Variants in ASXL3 observed in about 807,000 individuals in gnomAD.
ASXL3 encodes the protein putative Polycomb group protein ASXL3.
A neutral mutation model predicts 170.6 loss-of-function variants in ASXL3; 34 were observed. The observed-to-expected ratio is 0.20, with a 90% CI of 0.15 to 0.27. The LOEUF (loss-of-function observed/expected upper bound fraction) is 0.27, where lower values mean the gene tolerates loss of function less well. Among genes scored for constraint, ASXL3 ranks in the 10% least tolerant of loss-of-function variants. ASXL3 has a pLI of 1.00. For missense variants in ASXL3, 2,592 were observed against 2,695.3 expected, an observed-to-expected ratio of 0.96 and a Z score of 0.85; for synonymous variants, 1,002 against 989.1, an observed-to-expected ratio of 1.01 and a Z score of -0.24.
chr18:33,738,093 GT>G (rs2067579069), intron 10 of ASXL3, among the ~76,000 whole-genome samples: 3 of 151,908 alleles, frequency 2.0e-5, no homozygotes, highest in Admixed American at 6.6e-5. Flanking sequence ...CAGCAGTAGA[GT>G]TTTAGTTGAG....
intron 5 of ASXL3, among the ~76,000 whole-genome samples, chr18:33,667,859 C>T (rs2066283267): frequency 6.6e-6 from 1 of 152,178 alleles, no homozygotes; most frequent in Non-Finnish European, 1.5e-5. Context: ...TATAAATCAG[C>T]AGCACTTATG....
intron 8 of ASXL3, among the ~76,000 whole-genome samples, chr18:33,714,737 C>T (rs796638770): frequency 1.2e-4 from 18 of 152,146 alleles, no homozygotes; most frequent in African/African-American, 4.1e-4. Context: ...CAACTCTTCC[C>T]CCATTCTCCT....
At chr18:33,694,926 A>T (rs2066747859) in intron 8 of ASXL3, among the ~76,000 whole-genome samples, 1 of 152,112 alleles carries the variant, frequency 6.6e-6, no homozygotes, top group Non-Finnish European at 1.5e-5. Context: ...GGAGAATGTG[A>T]TTTATTGATT....
intron 5 of ASXL3, among the ~76,000 whole-genome samples, chr18:33,664,318 A>G (rs9916906): frequency 0.036 from 5,415 of 152,228 alleles, 318 homozygotes; most frequent in African/African-American, 0.12. Context: ...GTGCTATGTA[A>G]TAGTATAGAC....
chr18:33,734,278 A>G, intron 9 of ASXL3, 32 bp from the exon 10 acceptor site: 1 of 1,478,462 alleles, frequency 6.8e-7, no homozygotes, highest in Non-Finnish European at 9.2e-7. Flanking sequence ...ATGTGACCAC[A>G]TTTATTCAAT....
chr18:33,672,858 A>G (rs1203879258), intron 7 of ASXL3, among the ~76,000 whole-genome samples: 1 of 152,180 alleles, frequency 6.6e-6, no homozygotes, highest in African/African-American at 2.4e-5. Context: ...CATACTTCTA[A>G]TAAAAAGACT....
intron 1 of ASXL3, among the ~76,000 whole-genome samples, chr18:33,595,689 C>T (rs1053927013): frequency 2.6e-5 from 4 of 152,156 alleles, no homozygotes; most frequent in Non-Finnish European, 4.4e-5. Context: ...CACATGCCTA[C>T]GAACATAGCT....
At chr18:33,581,708 CAAATTTGTA>C (rs2064993893) in intron 1 of ASXL3, among the ~76,000 whole-genome samples, 1 of 152,068 alleles carries the variant, frequency 6.6e-6, no homozygotes, top group Admixed American at 6.6e-5. Context: ...ATATGGTCTC[CAAATTTGTA>C]AACTCTGGAG....
chr18:33,707,622 A>G (rs1003511464), intron 8 of ASXL3, among the ~76,000 whole-genome samples: 1 of 151,978 alleles, frequency 6.6e-6, no homozygotes, highest in Non-Finnish European at 1.5e-5. Context: ...ATTGTTTATA[A>G]TAATTACAGT....
At chr18:33,606,418 C>G (rs1173713162) in intron 1 of ASXL3, among the ~76,000 whole-genome samples, 1 of 151,856 alleles carries the variant, frequency 6.6e-6, no homozygotes, top group African/African-American at 2.4e-5. Context: ...AGGAAAGTGT[C>G]TGAAAGGTTA....
chr18:33,745,262 C>G lies in ASXL3; in HGVS notation c.5414C>G (p.Pro1805Arg). ...GAAATTCCGCCCAGCTCTCCAAATC[C>G]AGATGGTAAGGGCTACTTGGCAGGG... The part of the protein sequence containing the change: ...NVEIPPSSPN[P>R]DGKGYLAGTL... The change falls in exon 12 of 12, where the codon CCA (proline) becomes CGA (arginine). Residue 1805 changes from proline to arginine, a missense_variant. Pro to Arg is a moderately radical substitution (Grantham distance 103). Transcript: ENST00000269197. 1.9e-6 allele frequency: 3 copies of G among 1,613,998 alleles called. No homozygotes were observed. Among genetic ancestry groups the G allele is most frequent in the Non-Finnish European group, 1.7e-6 (2 of 1,179,890 alleles).
chr18:33,643,004 T>G (rs1195455693), intron 2 of ASXL3, among the ~76,000 whole-genome samples: 1 of 151,888 alleles, frequency 6.6e-6, no homozygotes, highest in Non-Finnish European at 1.5e-5. Flanking sequence ...GTGAACAATT[T>G]TATTAAGTTA....
intron 9 of ASXL3, 140 bp downstream of exon 9, chr18:33,732,204 G>T (rs2067461314): frequency 1.1e-5 from 5 of 471,952 alleles, no homozygotes; most frequent in Non-Finnish European, 3.6e-6. Flanking sequence ...CTTTCCAAAT[G>T]AGTTCACTGA....
chr18:33,702,842 C>T (rs2066897588), intron 8 of ASXL3, among the ~76,000 whole-genome samples: 1 of 152,086 alleles, frequency 6.6e-6, no homozygotes, highest in African/African-American at 2.4e-5. Flanking sequence ...CCTTGATAAG[C>T]AATGGGGATA....
chr18:33,595,815 G>C (rs2030993103), intron 1 of ASXL3, among the ~76,000 whole-genome samples: 1 of 152,168 alleles, frequency 6.6e-6, no homozygotes, highest in Admixed American at 6.6e-5. Flanking sequence ...GGCTCTCCCT[G>C]TGTCCCCAAC....
chr18:33,732,144 C>G, intron 9 of ASXL3, 80 bp downstream of exon 9: 1 of 1,076,724 alleles, frequency 9.3e-7, no homozygotes, highest in Middle Eastern at 2.1e-4. Flanking sequence ...TCTGATTTTT[C>G]AGTCTTTTCC....
chr18:33,686,253 A>T (rs1289106187), intron 8 of ASXL3, among the ~76,000 whole-genome samples: 2 of 152,216 alleles, frequency 1.3e-5, no homozygotes, highest in Non-Finnish European at 2.9e-5. Context: ...CTTGTGGAGG[A>T]TACAAGAATG....
chr18:33,686,610 A>C (rs908048454), intron 8 of ASXL3, among the ~76,000 whole-genome samples: 1 of 152,194 alleles, frequency 6.6e-6, no homozygotes, highest in Non-Finnish European at 1.5e-5. Context: ...CATATTGCTT[A>C]TATGTTCCAG....
intron 9 of ASXL3, among the ~76,000 whole-genome samples, chr18:33,732,784 A>C (rs1308598684): frequency 1.3e-5 from 2 of 151,250 alleles, no homozygotes; most frequent in Non-Finnish European, 2.9e-5. Flanking sequence ...GGGGCTCAGG[A>C]GGTCAAGGCT....
Sources: gnomAD v4.1 joint callset for allele counts (sites outside exome capture counted in the v4.1 genomes callset) on GRCh38, gnomAD v4.1.1 for gene constraint, MANE v1.5 for transcripts, NCBI Gene and HGNC (gene_info 2026-07-23, HGNC 2026-07-21) for gene names.